Variants in VPS13D observed in about 807,000 individuals in gnomAD.
The protein encoded by VPS13D is intermembrane lipid transfer protein VPS13D.
In VPS13D, 187 loss-of-function variants were observed where a neutral mutation model predicts 461.9. The observed-to-expected ratio is 0.40, with a 90% CI of 0.36 to 0.46. The LOEUF is 0.46. Ranked by LOEUF, VPS13D falls within the 20% of genes least tolerant of loss-of-function variation. The pLI is 0.60. For missense variants in VPS13D, 4,711 were observed against 5,364.9 expected (o/e 0.88, Z 3.81); for synonymous variants, 1,951 against 1,986.3 (o/e 0.98, Z 0.47).
At chr1:12,459,491 T>TC in intron 66 of VPS13D, among the ~76,000 whole-genome samples, 1 of 150,686 alleles carries the variant, frequency 6.6e-6, no homozygotes, top group African/African-American at 2.4e-5. Flanking sequence ...TCTTTTTTTT[T>TC]TTTTTTTTGA....
chr1:12,478,901 T>G (rs1645673478), intron 67 of VPS13D: 1 of 455,506 alleles, frequency 2.2e-6, no homozygotes, highest in East Asian at 7.0e-5. Flanking sequence ...CGTGGAGTGC[T>G]CTTGTCAAGC....
chr1:12,285,619 T>A (rs1641943617), intron 21 of VPS13D, among the ~76,000 whole-genome samples: 1 of 152,104 alleles, frequency 6.6e-6, no homozygotes, highest in Non-Finnish European at 1.5e-5. Flanking sequence ...AAATTCCAGA[T>A]ATATCATTTC....
intron 67 of VPS13D, among the ~76,000 whole-genome samples, chr1:12,475,902 C>A (rs1217768801): frequency 8.0e-5 from 12 of 149,186 alleles, no homozygotes; most frequent in Non-Finnish European, 7.4e-5. Flanking sequence ...AAAAAAAAAA[C>A]AAAAAACAAA....
At chr1:12,482,946 G>A in intron 67 of VPS13D, among the ~76,000 whole-genome samples, 1 of 151,960 alleles carries the variant, frequency 6.6e-6, no homozygotes, top group Non-Finnish European at 1.5e-5. Context: ...TATTCCATAA[G>A]CTACTTAACT....
At chr1:12,363,375 A>C in intron 52 of VPS13D, 128 bp downstream of exon 52, 1 of 953,690 alleles carries the variant, frequency 1.0e-6, no homozygotes, top group Non-Finnish European at 1.5e-6. Flanking sequence ...GAACTTGCAA[A>C]GTCCAGGGAA....
Position 12,288,859 on chromosome 1 carries a change from T to G in VPS13D, c.5725+546T>G, listed in dbSNP as rs565141694. Among the ~76,000 whole-genome samples the G allele has an allele frequency of 1.6e-4, 24 of 152,284 alleles. 1 individual carries two copies. The South Asian group carries it at 4.8e-3, about 30-fold the overall frequency. ...GCTGGCATTCTTTATTCTGTGTTTTTGAGACAGGATCTCGCTTGGTTGCCC... is the reference window on the plus strand; with the variant it reads ...GCTGGCATTCTTTATTCTGTGTTTTGGAGACAGGATCTCGCTTGGTTGCCC... On this transcript the variant is annotated intron_variant, in intron 22 of 69. Transcript: ENST00000620676.
intron 42 of VPS13D, 99 bp downstream of exon 42, chr1:12,343,150 T>A (rs1014643537): frequency 4.4e-6 from 4 of 917,444 alleles, no homozygotes; most frequent in African/African-American, 1.7e-5. Flanking sequence ...AATGATTTTA[T>A]TTTATTTTAT....
chr1:12,421,206 G>A (rs1345126790), intron 65 of VPS13D, among the ~76,000 whole-genome samples: 2 of 152,318 alleles, frequency 1.3e-5, no homozygotes, highest in South Asian at 2.1e-4. Flanking sequence ...CAAATTGTGA[G>A]CATCTAACCC....
At chr1:12,404,193 A>G (rs1309964214) in intron 63 of VPS13D, among the ~76,000 whole-genome samples, 1 of 151,828 alleles carries the variant, frequency 6.6e-6, no homozygotes, top group Non-Finnish European at 1.5e-5. Flanking sequence ...CGAAACTTAA[A>G]TACGACATTG....
intron 50 of VPS13D, among the ~76,000 whole-genome samples, chr1:12,359,247 A>G (rs930196813): frequency 1.2e-4 from 18 of 152,222 alleles, no homozygotes; most frequent in African/African-American, 4.3e-4. Context: ...ATTTGATTGA[A>G]ATATGAATCA....
chr1:12,464,811 A>G (rs1469717960), intron 67 of VPS13D: 1 of 152,230 alleles, frequency 6.6e-6, no homozygotes, highest in Non-Finnish European at 1.5e-5. Flanking sequence ...CTGTACAAGT[A>G]TGTGTGGTTT....
intron 54 of VPS13D, 52 bp downstream of exon 54, chr1:12,369,754 A>G (rs748722728): frequency 6.5e-7 from 1 of 1,544,352 alleles, no homozygotes; most frequent in Admixed American, 1.8e-5. Context: ...TCTAATTATT[A>G]ACAGGTTTTA....
intron 67 of VPS13D, among the ~76,000 whole-genome samples, chr1:12,466,600 T>TA (rs1308790002): frequency 6.6e-6 from 1 of 152,230 alleles, no homozygotes; most frequent in Admixed American, 6.5e-5. Flanking sequence ...GCCTCATACT[T>TA]ATCTAGGAAG....
At chr1:12,497,312 T>A in intron 67 of VPS13D, 188 bp from the exon 68 acceptor site, 1 of 553,398 alleles carries the variant, frequency 1.8e-6, no homozygotes, top group Non-Finnish European at 2.8e-6. Flanking sequence ...AGAGGCAGGA[T>A]TCAAAGTCAA....
chr1:12,367,243 C>CT (rs1247645927), intron 52 of VPS13D, among the ~76,000 whole-genome samples: 1 of 152,204 alleles, frequency 6.6e-6, no homozygotes, highest in Non-Finnish European at 1.5e-5. Flanking sequence ...GATTTCCTGT[C>CT]TGTAGATTTG....
intron 35 of VPS13D, 128 bp from the exon 36 acceptor site, chr1:12,327,520 T>G (rs1345981288): frequency 2.4e-6 from 1 of 410,104 alleles, no homozygotes; most frequent in Admixed American, 4.1e-5. Flanking sequence ...CCAAGAATAC[T>G]TCTGGGATCA....
intron 68 of VPS13D, among the ~76,000 whole-genome samples, chr1:12,498,758 C>T (rs1373558871): frequency 6.6e-6 from 1 of 152,164 alleles, no homozygotes; most frequent in Admixed American, 6.5e-5. Flanking sequence ...GGGTTCTCTT[C>T]CTGGCTTGCA....
intron 67 of VPS13D, 95 bp from the exon 68 acceptor site, chr1:12,497,405 C>G: frequency 7.0e-7 from 1 of 1,422,006 alleles, no homozygotes; most frequent in South Asian, 1.4e-5. Context: ...TAAAGTATGT[C>G]TCGTATTACA....
chr1:12,320,670 CA>C (rs1213006155), intron 32 of VPS13D, among the ~76,000 whole-genome samples: 1 of 152,184 alleles, frequency 6.6e-6, no homozygotes, highest in East Asian at 1.9e-4. Context: ...CCTTCCAAGC[CA>C]CCACAATACT....
Sources: gnomAD v4.1 joint callset for allele counts (sites outside exome capture counted in the v4.1 genomes callset) on GRCh38, gnomAD v4.1.1 for gene constraint, MANE v1.5 for transcripts, NCBI Gene and HGNC (gene_info 2026-07-23, HGNC 2026-07-21) for gene names.